RRM1: variants seen among roughly 807,000 people sequenced by gnomAD.
RRM1 encodes ribonucleoside-diphosphate reductase large subunit.
A neutral mutation model predicts 101.5 loss-of-function variants in RRM1; 19 were observed. The ratio of observed to expected loss-of-function variants is 0.19; its 90% CI spans 0.13 to 0.27. RRM1 has a LOEUF of 0.27. RRM1 is among the 10% of genes least tolerant of loss of function. The pLI is 1.00. For synonymous variants in RRM1, 298 were observed against 323.4 expected (o/e 0.92, Z 0.84); for missense variants, 500 against 962.9 (o/e 0.52, Z 6.36).
intron 1 of RRM1, among the ~76,000 whole-genome samples, chr11:4,100,485 C>G (rs72844510): frequency 0.034 from 5,140 of 152,264 alleles, 116 homozygotes; most frequent in Non-Finnish European, 0.049. Flanking sequence ...GGAACATTTT[C>G]TTTGAACATT....
chr11:4,132,008 A>G lies in RRM1; in HGVS notation c.1770-278A>G, dbSNP rs143607131. 2.6e-5 allele frequency among the ~76,000 whole-genome samples: 4 copies of G among 152,338 alleles called. No individual in the cohort carries two copies. In the East Asian group the frequency reaches 7.7e-4, roughly 29 times the overall value. On this transcript the variant is annotated intron_variant, in intron 15 of 18. Coordinates refer to ENST00000300738, the MANE Select transcript of RRM1 (RefSeq NM_001033.5). This position sits in a 1 kb window ranked among gnomAD's most constrained non-coding sequence, Gnocchi z 4.1. The stretch of plus-strand genomic sequence containing the variant: ...TGAGTGCCACAGTCCAAGTGGCATA[A>G]ATCATGGTATGATAAGGATAGCCAA...
chr11:4,117,771 T>A (rs1211379102), intron 7 of RRM1, among the ~76,000 whole-genome samples: 3 of 152,194 alleles, frequency 2.0e-5, no homozygotes, highest in East Asian at 3.8e-4. Flanking sequence ...TGATTGAATA[T>A]TCAAGGCAGT....
chr11:4,096,699 C>T (rs1048764585), intron 1 of RRM1, among the ~76,000 whole-genome samples: 4 of 151,844 alleles, frequency 2.6e-5, no homozygotes, highest in African/African-American at 4.8e-5. Flanking sequence ...GAAGGAGTCT[C>T]GCTATGTTGC....
Position 4,135,139 on chromosome 11 carries a change from T to C in RRM1, c.2059T>C (p.Ser687Pro). Reference sequence around the variant, plus strand: ...ACTTTATAAAACTGTGTGGGAAATCTCTCAGAAAACTGTTCTCAAGATGGC... The same window carrying C: ...ACTTTATAAAACTGTGTGGGAAATCCCTCAGAAAACTGTTCTCAAGATGGC... ...KQLYKTVWEISQKTVLKMAAE... is the reference protein window; with the variant it reads ...KQLYKTVWEIPQKTVLKMAAE... Residue 687 changes from serine to proline, a missense_variant, in exon 18 of 19, where the codon TCT becomes CCT. Coordinates refer to ENST00000300738, the MANE Select transcript of RRM1 (RefSeq NM_001033.5). 6.2e-7 allele frequency: 1 copy of C among 1,613,488 alleles called. No homozygotes were observed. Among genetic ancestry groups the C allele is most frequent in the Non-Finnish European group, 8.5e-7 (1 of 1,179,692 alleles).
rs4910889 is a variant in RRM1, at chr11:4,132,001, T to C, written c.1770-285T>C. ...TGATTCCTGAGTGCCACAGTCCAAG[T>C]GGCATAAATCATGGTATGATAAGGA... On this transcript the variant is annotated intron_variant, in intron 15 of 18. Coordinates refer to ENST00000300738, the MANE Select transcript of RRM1 (RefSeq NM_001033.5). The surrounding 1 kb of genome is among the most constrained non-coding windows in gnomAD (Gnocchi z 4.1). Among the ~76,000 whole-genome samples the C allele has an allele frequency of 0.37, 55,628 of 152,046 alleles. 10,280 individuals are homozygous for C. The highest frequency in any genetic ancestry group is 0.46 in the South Asian group (2,215 of 4,818).
chr11:4,125,338 T>G (rs538670407), intron 12 of RRM1, among the ~76,000 whole-genome samples: 1 of 152,218 alleles, frequency 6.6e-6, no homozygotes, highest in Non-Finnish European at 1.5e-5. Flanking sequence ...TTGTGGACAT[T>G]GTGGACATTC....
At chr11:4,115,144 C>CA (rs2094571050) in intron 7 of RRM1, among the ~76,000 whole-genome samples, 1 of 152,054 alleles carries the variant, frequency 6.6e-6, no homozygotes, top group Non-Finnish European at 1.5e-5. Flanking sequence ...TAATTCTAGG[C>CA]AAAATCTCAA....
rs72555788 is a variant in RRM1, at chr11:4,122,212, A to T, written c.1110A>T (p.Leu370=). The stretch of plus-strand genomic sequence containing the variant: ...TTTGGGGAGAGGAATTTGAGAAACT[A>T]TATGCAAGGTATGGGAAAAATATGA... ...DEVWGEEFEK[L]YASYEKQGRV... is the part of the protein sequence containing the mutation. The change falls in exon 11 of 19, where the codon CTA becomes CTT. Residue 370 remains leucine, a synonymous_variant. Transcript: ENST00000300738. 1.6e-3 allele frequency: 2,518 copies of T among 1,606,784 alleles called. 32 individuals carry two copies. In the African/African-American group the frequency reaches 0.028, roughly 18 times the overall value.
At position 4,094,812 on chromosome 11, in the gene RRM1, A is replaced by G; in HGVS notation, c.-201A>G. 1 of 609,298 alleles carries G rather than the reference A, an allele frequency of 1.6e-6. No individual in the cohort carries two copies. Among genetic ancestry groups the G allele is most frequent in the South Asian group, 2.0e-5 (1 of 50,896 alleles). 37.7% of individuals were successfully genotyped at this position (609,298 alleles called of 1,614,324 possible). A position where few individuals can be genotyped will look rare whatever the true frequency, so the allele number is the denominator to read the frequency against. On this transcript the variant is annotated 5_prime_UTR_variant, in exon 1 of 19. Transcript: ENST00000300738. ...ACCCCGTCGCGCCCCTTTGTGCGTC[A>G]CGGGTGGCGGGCGCGGGAAGGGGAT...
intron 4 of RRM1, among the ~76,000 whole-genome samples, chr11:4,108,321 G>A (rs937907773): frequency 2.0e-5 from 3 of 152,076 alleles, no homozygotes; most frequent in Admixed American, 6.6e-5. Flanking sequence ...TGATTAGGCC[G>A]GGCGCGGTAG....
chr11:4,126,229 G>T (rs980001625), intron 12 of RRM1, among the ~76,000 whole-genome samples: 6 of 152,206 alleles, frequency 3.9e-5, no homozygotes, highest in Non-Finnish European at 8.8e-5. Context: ...TGATGGAAAT[G>T]TTCTGTATCT....
intron 18 of RRM1, among the ~76,000 whole-genome samples, chr11:4,136,760 T>C (rs962748722): frequency 2.7e-5 from 4 of 150,680 alleles, no homozygotes; most frequent in Non-Finnish European, 5.9e-5. Context: ...GTTTGTTTTT[T>C]CTTTTTATTT....
intron 3 of RRM1, 108 bp downstream of exon 3, chr11:4,106,331 G>A: frequency 1.0e-6 from 1 of 980,382 alleles, no homozygotes; most frequent in African/African-American, 1.6e-5. Flanking sequence ...AGATGGGGTG[G>A]CTTACACCTC....
rs551710795 is a variant in RRM1, at chr11:4,136,473, G to C, written c.2190+1203G>C. Among the ~76,000 whole-genome samples, 3 of 152,224 alleles carry C rather than the reference G, an allele frequency of 2.0e-5. No individual in the cohort carries two copies. The South Asian group carries it at 6.2e-4, about 32-fold the overall frequency. ...GGCCTCAAGCAATTCACCTGCCTCG[G>C]CCTCCCAAAGTGCTCGAATTACAGG... On this transcript the variant is annotated intron_variant, in intron 18 of 18. Transcript: ENST00000300738.
chr11:4,133,692 G>A (rs2094604236), intron 17 of RRM1, 34 bp downstream of exon 17: 6 of 1,273,772 alleles, frequency 4.7e-6, no homozygotes, highest in Admixed American at 3.5e-5. Flanking sequence ...CTCTGCAGGG[G>A]CTGAGTTGGA....
intron 12 of RRM1, among the ~76,000 whole-genome samples, chr11:4,125,157 C>G (rs1339587476): frequency 6.6e-6 from 1 of 152,130 alleles, no homozygotes. Flanking sequence ...TCGTGATCCG[C>G]CCACCTCAGC....
chr11:4,129,008 G>GTT (rs5789321), intron 14 of RRM1, 66 bp from the exon 15 acceptor site: 23,409 of 663,608 alleles, frequency 0.035, 55 homozygotes, highest in South Asian at 0.049. Flanking sequence ...TCATTTGTGG[G>GTT]TTTTTTTTTT....
intron 18 of RRM1, 43 bp downstream of exon 18, chr11:4,135,313 A>G: frequency 2.1e-6 from 3 of 1,418,016 alleles, no homozygotes; most frequent in Non-Finnish European, 1.9e-6. Flanking sequence ...CCAGCTTGAG[A>G]TATTTTGGCA....
intron 15 of RRM1, among the ~76,000 whole-genome samples, chr11:4,130,293 T>C (rs923146137): frequency 6.6e-6 from 1 of 151,888 alleles, no homozygotes; most frequent in African/African-American, 2.4e-5. Flanking sequence ...AACTTATTCT[T>C]TTTCCCAGAG....
Sources: gnomAD v4.1 joint callset for allele counts (sites outside exome capture counted in the v4.1 genomes callset) on GRCh38, gnomAD v4.1.1 for gene constraint, Gnocchi (gnomAD v3.1) non-coding constraint, MANE v1.5 for transcripts, NCBI Gene and HGNC (gene_info 2026-07-23, HGNC 2026-07-21) for gene names.